The following MUTYH variants were observed in gnomAD, a reference collection of about 807,000 sequenced individuals.
MUTYH encodes the protein mutY DNA glycosylase.
MUTYH carries 64 observed loss-of-function variants against 72.9 expected under a neutral mutation model. The ratio of observed to expected loss-of-function variants is 0.88; its 90% CI spans 0.72 to 1.08. The LOEUF is 1.08. Ranked by LOEUF, MUTYH falls within the 50% of genes least tolerant of loss-of-function variation. The pLI, the probability that MUTYH is intolerant of heterozygous loss-of-function variation, is 0.00. For synonymous variants in MUTYH, 234 were observed against 263.1 expected (o/e 0.89, Z 1.07); for missense variants, 633 against 671.0 (o/e 0.94, Z 0.63).
upstream of MUTYH, chr1:45,340,214 C>T (rs876658588): frequency 6.2e-7 from 1 of 1,613,648 alleles, no homozygotes; most frequent in Non-Finnish European, 8.5e-7. Context: ...GCAAGTCCAG[C>T]GTACCCACAG....
In MUTYH at chr1:45,332,065, C is replaced by A; in HGVS notation, c.871G>T (p.Ala291Ser). The A allele has an allele frequency of 6.2e-7, 1 of 1,614,228 alleles. No homozygotes were observed. The highest frequency in any genetic ancestry group is 2.2e-5 in the East Asian group (1 of 44,890). ...RQRVEQEQLL[A>S]SGSLSGSPDV... ...GGACTGCCCGACAGGCTCCCTGAGG[C>A]TAAGAGCTGTTCCTGCTCCACCTGA... is the stretch of plus-strand genomic sequence containing the variant. Residue 291 changes from alanine to serine, a missense_variant, in exon 11 of 16, where the codon GCC (alanine) becomes TCC (serine). Physicochemically the swap from Ala to Ser is moderately conservative, Grantham distance 99. Transcript: ENST00000456914.
Position 45,333,487 on chromosome 1 carries a change from C to T in MUTYH, c.190G>A (p.Glu64Lys), listed in dbSNP as rs1570443687. Residue 64 changes from glutamate (E) to lysine (K), a missense_variant, in exon 3 of 16, where the codon GAA (glutamate) becomes AAA (lysine). Transcript: ENST00000456914. ...SSYHLFRDVA[E>K]VTAFRGSLLS... ...AGGCTCCCTCGGAAGGCTGTGACTT[C>T]AGCTACGTCTCTGAATAGATGGTAT... is the stretch of plus-strand genomic sequence containing the variant. 2 of 1,614,236 alleles carry T rather than the reference C, an allele frequency of 1.2e-6. No individual in the cohort carries two copies. The highest frequency in any genetic ancestry group is 1.7e-6 in the Non-Finnish European group (2 of 1,180,038).
At chr1:45,334,317 G>A (rs766950778) in intron 2 of MUTYH, 74 bp downstream of exon 2, 16 of 1,602,448 alleles carry the variant, frequency 1.0e-5, no homozygotes, top group African/African-American at 2.7e-5. Flanking sequence ...GTCTTGATAC[G>A]TATCACAATC....
chr1:45,329,481 G>C lies in MUTYH; in HGVS notation c.1435-44C>G, dbSNP rs752187426. 12 of 1,611,158 alleles carry C rather than the reference G, an allele frequency of 7.4e-6. No individual in the cohort carries two copies. In the Admixed American group the frequency reaches 1.0e-4, roughly 13 times the overall value. The stretch of plus-strand genomic sequence containing the variant: ...AGGGAGGCCTTGTAGTTGGGGGAGG[G>C]GGAGCAGAGAATCCTCTCCTTGTCC... On this transcript the variant is annotated intron_variant, in intron 15 of 15. Coordinates refer to ENST00000456914, the MANE Select transcript of MUTYH (RefSeq NM_001048174.2).
chr1:45,332,133 G>A (rs542782925), intron 10 of MUTYH, 33 bp downstream of exon 10: 18 of 1,614,186 alleles, frequency 1.1e-5, no homozygotes, highest in East Asian at 8.9e-5. Context: ...CACTCCTTAG[G>A]ACTTCTCACT....
At chr1:45,335,224 C>T (rs905422675) in intron 1 of MUTYH, among the ~76,000 whole-genome samples, 2 of 152,082 alleles carry the variant, frequency 1.3e-5, no homozygotes, top group Admixed American at 6.5e-5. Flanking sequence ...AGAGCTTTAC[C>T]GGATCTCTCA....
rs199742231 is a variant in MUTYH at position 45,331,834 on chromosome 1, T to C, written c.929A>G (p.Gln310Arg). The C allele has an allele frequency of 7.2e-5, 115 of 1,603,824 alleles. No homozygotes were observed. Among genetic ancestry groups the C allele is most frequent in the Non-Finnish European group, 1.3e-5 (15 of 1,174,954 alleles). ...DVEECAPNTG[Q>R]CHLCLPPSEP... Reference sequence around the variant, plus strand: ...CGAGGGAGGCAGGCACAGGTGGCACTGTCCAGTGTTGGGAGCTGGGAACGG... The same window carrying C: ...CGAGGGAGGCAGGCACAGGTGGCACCGTCCAGTGTTGGGAGCTGGGAACGG... Residue 310 changes from glutamine to arginine, a missense_variant, in exon 12 of 16, where the codon CAG (glutamine) becomes CGG (arginine). Gln to Arg is a conservative substitution (Grantham distance 43). Coordinates refer to ENST00000456914, the MANE Select transcript of MUTYH (RefSeq NM_001048174.2).
At chr1:45,334,195 C>A in intron 2 of MUTYH, 196 bp downstream of exon 2, 1 of 706,798 alleles carries the variant, frequency 1.4e-6, no homozygotes, top group Non-Finnish European at 2.4e-6. Context: ...CGCCATGTTA[C>A]CCAAGCTGGT....
intron 1 of MUTYH, chr1:45,338,235 GCAGT>G: frequency 1.9e-6 from 1 of 531,780 alleles, no homozygotes; most frequent in Non-Finnish European, 3.7e-6. Context: ...CTCTTAGAAG[GCAGT>G]CCTCTTACTA....
chr1:45,330,612 C>T lies in MUTYH; in HGVS notation c.1393-55G>A, dbSNP rs905653570. Reference sequence around the variant, plus strand: ...GGCACTTTTTGCAAAAGAGATAAACCGGTGTTCTGCCCTTAACTTCATGTC... The same window carrying T: ...GGCACTTTTTGCAAAAGAGATAAACTGGTGTTCTGCCCTTAACTTCATGTC... On this transcript the variant is annotated intron_variant, in intron 14 of 15. Transcript: ENST00000456914. The T allele has an allele frequency of 2.4e-5, 38 of 1,555,476 alleles. No homozygotes were observed. The Middle Eastern group carries it at 5.0e-4, about 20-fold the overall frequency.
At chr1:45,333,229 C>G in intron 4 of MUTYH, 56 bp downstream of exon 4, 1 of 1,614,106 alleles carries the variant, frequency 6.2e-7, no homozygotes, top group Admixed American at 1.7e-5. Flanking sequence ...GGCCCACAGC[C>G]CCCAGACCCA....
At chr1:45,332,117 C>G (rs936599968) in intron 10 of MUTYH, 31 bp from the exon 11 acceptor site, 1 of 1,614,204 alleles carries the variant, frequency 6.2e-7, no homozygotes, top group Non-Finnish European at 8.5e-7. Flanking sequence ...TGTCATAGGG[C>G]AGAGTCACTC....
chr1:45,338,461 T>C, intron 1 of MUTYH: 1 of 380,978 alleles, frequency 2.6e-6, no homozygotes, highest in South Asian at 2.7e-5. Flanking sequence ...CCAAATCAGG[T>C]CCCCTCATCT....
At chr1:45,335,951 C>G (rs1645816812) in intron 1 of MUTYH, among the ~76,000 whole-genome samples, 1 of 152,200 alleles carries the variant, frequency 6.6e-6, no homozygotes. Flanking sequence ...CTCTGGAACT[C>G]TTTATCTGCC....
chr1:45,330,813 G>A (rs1181118309), intron 14 of MUTYH, among the ~76,000 whole-genome samples: 10 of 152,112 alleles, frequency 6.6e-5, no homozygotes, highest in Admixed American at 6.5e-4. Flanking sequence ...GGCTGGGTGT[G>A]GTAGCTCACA....
rs3219488 is a variant in MUTYH, at chr1:45,331,858, G to A, written c.914-9C>T. 678 of 1,599,490 alleles carry A rather than the reference G, an allele frequency of 4.2e-4. 1 individual carries two copies. Among genetic ancestry groups the A allele is most frequent in the Admixed American group, 7.1e-4 (41 of 57,832 alleles). The stretch of plus-strand genomic sequence containing the variant: ...CTGTCCAGTGTTGGGAGCTGGGAAC[G>A]GAGATCCCCGAACCCTACTCAAGCC... On this transcript the variant is annotated splice_polypyrimidine_tract_variant and intron_variant, in intron 11 of 15. Coordinates refer to ENST00000456914, the MANE Select transcript of MUTYH (RefSeq NM_001048174.2).
upstream of MUTYH, chr1:45,340,057 G>T (rs954131709): frequency 1.3e-6 from 2 of 1,542,938 alleles, no homozygotes; most frequent in Non-Finnish European, 1.7e-6. Flanking sequence ...CGAGCCGGCA[G>T]CACAGGCCAA....
Position 45,331,483 on chromosome 1 carries a change from C to T in MUTYH, c.1176G>A (p.Leu392=), listed in dbSNP as rs747498831. ...EPSEQLQRKA[L]LQELQRWAGP... ...CAGCCCAACGCTGTAGTTCCTGCAG[C>T]AGGGCCTTGCGCTGAAGCTGCTCTG... is the stretch of plus-strand genomic sequence containing the variant. The change falls in exon 13 of 16, where the codon CTG becomes CTA. Residue 392 remains leucine (L), a synonymous_variant. Transcript: ENST00000456914. 1 of 1,614,184 alleles carries T rather than the reference C, an allele frequency of 6.2e-7. No homozygotes were observed. Among genetic ancestry groups the T allele is most frequent in the South Asian group, 1.1e-5 (1 of 91,088 alleles).
intron 15 of MUTYH, among the ~76,000 whole-genome samples, chr1:45,330,250 AAAG>A (rs1644558584): frequency 6.7e-6 from 1 of 149,708 alleles, no homozygotes; most frequent in African/African-American, 2.4e-5. Flanking sequence ...AAAAAAAAAA[AAAG>A]AACTGATGGC....
Sources: gnomAD v4.1 joint callset for allele counts (sites outside exome capture counted in the v4.1 genomes callset) on GRCh38, gnomAD v4.1.1 for gene constraint, MANE v1.5 for transcripts, NCBI Gene and HGNC (gene_info 2026-07-23, HGNC 2026-07-21) for gene names.